The following LYST variants were observed in gnomAD, a reference collection of about 807,000 sequenced individuals.
LYST encodes lysosomal-trafficking regulator.
A neutral mutation model predicts 413.6 loss-of-function variants in LYST; 192 were observed. The ratio of observed to expected loss-of-function variants is 0.46; its 90% confidence interval spans 0.41 to 0.52. The LOEUF is 0.52. Ranked by LOEUF, LYST falls within the 20% of genes least tolerant of loss-of-function variation. The pLI is 0.00. For missense variants in LYST, 3,815 were observed against 4,499.9 expected (o/e 0.85, Z 4.35); for synonymous variants, 1,525 against 1,567.3 (o/e 0.97, Z 0.64).
At chr1:235,736,208 T>C (rs925629384) in intron 31 of LYST, 8 of 152,076 alleles carry the variant, frequency 5.3e-5, no homozygotes, top group African/African-American at 1.9e-4. Context: ...AAAACTCTTA[T>C]TTTCAGCCCT....
intron 1 of LYST, among the ~76,000 whole-genome samples, chr1:235,882,850 A>G (rs1305243305): frequency 6.6e-6 from 1 of 152,196 alleles, no homozygotes; most frequent in Non-Finnish European, 1.5e-5. Flanking sequence ...CCTTATAACT[A>G]CGCCATGACC....
At chr1:235,801,181 G>T in intron 8 of LYST, 84 bp from the exon 9 acceptor site, 2 of 887,698 alleles carry the variant, frequency 2.3e-6, no homozygotes, top group Non-Finnish European at 3.7e-6. Context: ...AAGATCTAGT[G>T]GCAAAAATAG....
At chr1:235,850,751 A>G (rs1678432056) in intron 1 of LYST, among the ~76,000 whole-genome samples, 1 of 152,168 alleles carries the variant, frequency 6.6e-6, no homozygotes, top group Non-Finnish European at 1.5e-5. Context: ...AGATATATAA[A>G]TGGCCAACAA....
intron 3 of LYST, 160 bp downstream of exon 3, chr1:235,830,066 C>T: frequency 1.6e-6 from 1 of 607,604 alleles, no homozygotes; most frequent in Non-Finnish European, 2.9e-6. Flanking sequence ...TTCAAATAAA[C>T]AATATGGTTA....
rs1664326633 is a variant in LYST, at chr1:235,730,959, G to A, written c.8948-16C>T. ...TTGACAACATCTGTTGAGGAGAAAA[G>A]TAAATATTATCTTTATCTAATGACC... On this transcript the variant is annotated splice_polypyrimidine_tract_variant and intron_variant, in intron 35 of 52. Coordinates refer to ENST00000389793, the MANE Select transcript of LYST (RefSeq NM_000081.4). 1 of 1,607,222 alleles carries A rather than the reference G, an allele frequency of 6.2e-7. No homozygotes were observed. Among genetic ancestry groups the A allele is most frequent in the Non-Finnish European group, 8.5e-7 (1 of 1,173,904 alleles).
At chr1:235,864,915 T>C (rs1256775747) in intron 1 of LYST, among the ~76,000 whole-genome samples, 1 of 152,110 alleles carries the variant, frequency 6.6e-6, no homozygotes, top group Non-Finnish European at 1.5e-5. Context: ...GGAGACAAAG[T>C]GAGATCCTGA....
At chr1:235,681,925 C>T (rs916792176) in intron 48 of LYST, among the ~76,000 whole-genome samples, 4 of 151,974 alleles carry the variant, frequency 2.6e-5, no homozygotes, top group African/African-American at 9.7e-5. Context: ...AATGAATCAG[C>T]TGTGACACGT....
At chr1:235,747,395 C>T (rs979469745) in intron 28 of LYST, 11 of 275,788 alleles carry the variant, frequency 4.0e-5, no homozygotes, top group African/African-American at 2.0e-4. Context: ...AAATTACTTA[C>T]ATATGACTAA....
intron 42 of LYST, 113 bp from the exon 43 acceptor site, chr1:235,712,310 T>C: frequency 3.8e-6 from 3 of 780,502 alleles, no homozygotes; most frequent in Non-Finnish European, 6.2e-6. Flanking sequence ...ATGCTAATTT[T>C]GTTTGCCCAT....
rs568559530 is a variant in LYST at position 235,803,963 on chromosome 1, T to C, written c.3555+541A>G. On this transcript the variant is annotated intron_variant, in intron 7 of 52. Coordinates refer to ENST00000389793, the MANE Select transcript of LYST (RefSeq NM_000081.4). ...AAATGAGAGGGAAACAAGCCAATTA[T>C]GTACCACATAATTTTAGGAAAGAAA... is the stretch of plus-strand genomic sequence containing the variant. Among the ~76,000 whole-genome samples the C allele has an allele frequency of 2.8e-3, 428 of 152,274 alleles. 6 individuals are homozygous for C. Among genetic ancestry groups the C allele is most frequent in the South Asian group, 0.026 (124 of 4,822 alleles).
At chr1:235,721,921 G>T (rs990308242) in intron 39 of LYST, among the ~76,000 whole-genome samples, 2 of 152,178 alleles carry the variant, frequency 1.3e-5, no homozygotes, top group African/African-American at 4.8e-5. Context: ...AATGCTGGAT[G>T]CTAATACATC....
chr1:235,876,766 A>C (rs764575899), intron 1 of LYST, among the ~76,000 whole-genome samples: 4 of 152,234 alleles, frequency 2.6e-5, no homozygotes, highest in Non-Finnish European at 4.4e-5. Context: ...TTTGAGAGGC[A>C]CAGTCCTGTC....
intron 1 of LYST, among the ~76,000 whole-genome samples, chr1:235,866,293 A>T (rs187303003): frequency 1.2e-3 from 190 of 152,296 alleles, no homozygotes; most frequent in African/African-American, 4.4e-3. Flanking sequence ...TGTCACGGAC[A>T]GGAGGAAAGA....
Position 235,697,285 on chromosome 1 carries a change from A to C in LYST, c.10375-13T>G, listed in dbSNP as rs999028233. The C allele has an allele frequency of 6.2e-7, 1 of 1,604,634 alleles. No homozygotes were observed. The highest frequency in any genetic ancestry group is 1.7e-5 in the Admixed American group (1 of 59,820). On this transcript the variant is annotated splice_polypyrimidine_tract_variant and intron_variant, in intron 45 of 52. Transcript: ENST00000389793. ...ATGACAAAGGACTCTAAAATGAAGA[A>C]AAATAAAAAGTATGGCTTTTTAAAA...
chr1:235,749,949 C>T (rs528187758), intron 28 of LYST, among the ~76,000 whole-genome samples: 1 of 152,032 alleles, frequency 6.6e-6, no homozygotes, highest in East Asian at 1.9e-4. Context: ...TTAACTAAAA[C>T]CAGAGATCTA....
chr1:235,727,612 AT>A (rs1207025727), intron 38 of LYST, among the ~76,000 whole-genome samples: 3 of 152,168 alleles, frequency 2.0e-5, no homozygotes, highest in South Asian at 2.1e-4. Context: ...TATACAAAAA[AT>A]ATGTCTATTT....
intron 4 of LYST, 85 bp from the exon 5 acceptor site, chr1:235,810,619 A>C: frequency 8.1e-7 from 1 of 1,231,532 alleles, no homozygotes; most frequent in Non-Finnish European, 1.2e-6. Context: ...TATTTATCTT[A>C]AACCCACTAA....
chr1:235,817,499 T>C (rs990320380), intron 3 of LYST, among the ~76,000 whole-genome samples: 5 of 152,068 alleles, frequency 3.3e-5, no homozygotes. Flanking sequence ...ATAAAGAAAA[T>C]GTGGCACATA....
At chr1:235,831,533 G>A (rs1675980130) in intron 2 of LYST, among the ~76,000 whole-genome samples, 1 of 152,106 alleles carries the variant, frequency 6.6e-6, no homozygotes, top group Non-Finnish European at 1.5e-5. Flanking sequence ...GAACCAACGG[G>A]ATACAAAGAG....
Sources: allele counts gnomAD v4.1 joint callset (sites outside exome capture counted in the v4.1 genomes callset), GRCh38; gene constraint gnomAD v4.1.1; transcripts MANE v1.5; gene names NCBI Gene and HGNC (gene_info 2026-07-23, HGNC 2026-07-21).